CHRM2: variants seen among roughly 807,000 people sequenced by gnomAD.
The protein encoded by CHRM2 is muscarinic acetylcholine receptor M2.
CHRM2 carries 8 observed loss-of-function variants against 25.0 expected under a neutral mutation model. That is an observed-to-expected ratio of 0.32 (90% CI 0.19 to 0.58). CHRM2 has a LOEUF of 0.58. Among genes scored for constraint, CHRM2 ranks in the 20% least tolerant of loss-of-function variants. The pLI is 0.88. For missense variants in CHRM2, 440 were observed against 567.1 expected (o/e 0.78, Z 2.28); for synonymous variants, 202 against 205.7 (o/e 0.98, Z 0.15).
intron 2 of CHRM2, among the ~76,000 whole-genome samples, chr7:136,977,861 T>G (rs552249216): frequency 2.0e-5 from 3 of 152,320 alleles, no homozygotes; most frequent in African/African-American, 7.2e-5. Context: ...AGAATTTGTA[T>G]AGCTTGAGGT....
At chr7:137,010,351 A>G (rs1420648625) in intron 3 of CHRM2, among the ~76,000 whole-genome samples, 7 of 152,106 alleles carry the variant, frequency 4.6e-5, no homozygotes, top group Non-Finnish European at 7.4e-5. Flanking sequence ...TAAACTAGGC[A>G]GTAAAATACC....
chr7:136,873,905 C>T (rs1795943645), intron 2 of CHRM2, among the ~76,000 whole-genome samples: 1 of 152,184 alleles, frequency 6.6e-6, no homozygotes, highest in Non-Finnish European at 1.5e-5. Context: ...CAGAGGTAAA[C>T]GAGGGCACCA....
intron 2 of CHRM2, among the ~76,000 whole-genome samples, chr7:136,918,750 G>A (rs1393274255): frequency 6.6e-6 from 1 of 152,030 alleles, no homozygotes; most frequent in Non-Finnish European, 1.5e-5. Flanking sequence ...GATATTGTCA[G>A]TAAGACTGTT....
chr7:136,975,159 T>G (rs1187756656), intron 2 of CHRM2, among the ~76,000 whole-genome samples: 1 of 152,170 alleles, frequency 6.6e-6, no homozygotes, highest in Non-Finnish European at 1.5e-5. Flanking sequence ...TTGCAGAAAG[T>G]GTCAGGATGT....
At chr7:136,930,480 A>G (rs1008002230) in intron 2 of CHRM2, among the ~76,000 whole-genome samples, 1 of 152,204 alleles carries the variant, frequency 6.6e-6, no homozygotes, top group Non-Finnish European at 1.5e-5. Flanking sequence ...TTGTTTGCAC[A>G]ATCATTAAAT....
chr7:136,990,415 T>C (rs1803144606), intron 2 of CHRM2, among the ~76,000 whole-genome samples: 1 of 152,192 alleles, frequency 6.6e-6, no homozygotes, highest in Non-Finnish European at 1.5e-5. Flanking sequence ...TTGATCTTTT[T>C]ACTGTCTTCA....
chr7:136,924,081 A>G lies in CHRM2; in HGVS notation c.-125+54663A>G, dbSNP rs539910730. ...AGATAAACTGCACTTTTAAATTCTC[A>G]TCTTCTGCAAATAAGCATGTTAAAA... On this transcript the variant is annotated intron_variant, in intron 2 of 3. Coordinates refer to ENST00000680005, the MANE Select transcript of CHRM2 (RefSeq NM_001006630.2). Among the ~76,000 whole-genome samples the G allele has an allele frequency of 3.9e-5, 6 of 152,184 alleles. No homozygotes were observed. In the South Asian group the frequency reaches 1.0e-3, roughly 26 times the overall value.
intron 2 of CHRM2, among the ~76,000 whole-genome samples, chr7:136,962,099 C>G (rs1801123146): frequency 6.6e-6 from 1 of 151,814 alleles, no homozygotes; most frequent in African/African-American, 2.4e-5. Context: ...TTTCATAACT[C>G]TGCAGTAATG....
intron 2 of CHRM2, chr7:136,902,212 T>TATCCATCCATCCATCC (rs66478666): frequency 1.3e-5 from 2 of 150,348 alleles, no homozygotes; most frequent in African/African-American, 2.4e-5. Flanking sequence ...TCGATCTATC[T>TATCCATCCATCCATCC]ATCCATCCAT....
chr7:136,932,771 G>A (rs955642565), intron 2 of CHRM2, among the ~76,000 whole-genome samples: 9 of 152,108 alleles, frequency 5.9e-5, no homozygotes, highest in African/African-American at 1.9e-4. Flanking sequence ...GACTCATACC[G>A]ATAATCGCAG....
chr7:136,970,295 C>T (rs1801677368), intron 2 of CHRM2, among the ~76,000 whole-genome samples: 3 of 152,104 alleles, frequency 2.0e-5, no homozygotes, highest in Admixed American at 2.0e-4. Context: ...TCTTTTATCT[C>T]CCTTACCTAA....
intron 2 of CHRM2, among the ~76,000 whole-genome samples, chr7:136,952,925 T>C (rs894838527): frequency 6.6e-6 from 1 of 152,214 alleles, no homozygotes; most frequent in African/African-American, 2.4e-5. Flanking sequence ...TTTTTATGGC[T>C]GCATAGTATT....
chr7:136,987,535 A>G (rs1323822745), intron 2 of CHRM2, among the ~76,000 whole-genome samples: 1 of 152,190 alleles, frequency 6.6e-6, no homozygotes, highest in Admixed American at 6.5e-5. Flanking sequence ...TTGTACACCC[A>G]GTGTTTACTT....
chr7:136,875,104 TAC>T (rs1452316310), intron 2 of CHRM2, among the ~76,000 whole-genome samples: 1 of 149,616 alleles, frequency 6.7e-6, no homozygotes, highest in African/African-American at 2.5e-5. Context: ...TACACATATA[TAC>T]ATATATACAC....
chr7:136,894,140 T>C (rs1796798440), intron 2 of CHRM2, among the ~76,000 whole-genome samples: 1 of 152,084 alleles, frequency 6.6e-6, no homozygotes. Context: ...TATAAAATCA[T>C]AGGAGATTGT....
chr7:136,968,392 GT>G (rs1801547566), intron 2 of CHRM2, among the ~76,000 whole-genome samples: 1 of 145,744 alleles, frequency 6.9e-6, no homozygotes, highest in Admixed American at 6.8e-5. Context: ...ACTGCTGAGG[GT>G]GTAGAACAAA....
chr7:137,005,450 A>G (rs772629041), intron 3 of CHRM2, among the ~76,000 whole-genome samples: 1 of 152,038 alleles, frequency 6.6e-6, no homozygotes, highest in Non-Finnish European at 1.5e-5. Flanking sequence ...TTTCACTTCT[A>G]TGTGCACCTC....
intron 2 of CHRM2, among the ~76,000 whole-genome samples, chr7:136,887,406 G>C (rs927616415): frequency 4.0e-5 from 6 of 151,796 alleles, no homozygotes; most frequent in Middle Eastern, 3.5e-3. Context: ...CTGGTGACTT[G>C]TCCAAGGTGA....
chr7:136,954,834 G>A (rs1359188586), intron 2 of CHRM2, among the ~76,000 whole-genome samples: 8 of 152,190 alleles, frequency 5.3e-5, no homozygotes, highest in Non-Finnish European at 1.0e-4. Flanking sequence ...CAAGAGGACA[G>A]TTGGATTAAG....
Sources: allele counts gnomAD v4.1 joint callset (sites outside exome capture counted in the v4.1 genomes callset), GRCh38; gene constraint gnomAD v4.1.1; transcripts MANE v1.5; gene names NCBI Gene and HGNC (gene_info 2026-07-23, HGNC 2026-07-21).